Variants in SSH2 observed in about 807,000 individuals in gnomAD.
SSH2 encodes the protein slingshot protein phosphatase 2, also known as protein phosphatase Slingshot homolog 2.
In SSH2, 37 loss-of-function variants were observed where a neutral mutation model predicts 135.2. The observed-to-expected ratio is 0.27, with a 90% CI of 0.21 to 0.36. SSH2 has a LOEUF of 0.36. Ranked by LOEUF, SSH2 falls within the 10% of genes least tolerant of loss-of-function variation. The pLI is 1.00. For missense variants in SSH2, 1,408 were observed against 1,765.3 expected (o/e 0.80, Z 3.63); for synonymous variants, 628 against 646.2 (o/e 0.97, Z 0.43).
chr17:29,669,489 T>C (rs2037405935), intron 9 of SSH2, among the ~76,000 whole-genome samples: 3 of 152,290 alleles, frequency 2.0e-5, no homozygotes, highest in Admixed American at 6.5e-5. Context: ...GCTTTTCTAG[T>C]CAGTTTAGGG....
chr17:29,713,873 C>T (rs899350533), intron 3 of SSH2, among the ~76,000 whole-genome samples: 4 of 152,116 alleles, frequency 2.6e-5, no homozygotes, highest in African/African-American at 9.7e-5. Context: ...CCCTCACCCC[C>T]AAACAAAAAC....
At chr17:29,640,805 A>C (rs912571304) in intron 14 of SSH2, 2 of 151,498 alleles carry the variant, frequency 1.3e-5, no homozygotes, top group African/African-American at 4.9e-5. Context: ...TGTGCTTATC[A>C]TTCCCTTTTT....
chr17:29,674,927 G>A (rs1275253922), intron 8 of SSH2, among the ~76,000 whole-genome samples: 1 of 152,234 alleles, frequency 6.6e-6, no homozygotes, highest in Non-Finnish European at 1.5e-5. Flanking sequence ...GGTTGGACAA[G>A]CTTGCTTTAG....
chr17:29,636,816 A>C lies in SSH2; in HGVS notation c.1428-14T>G. The C allele has an allele frequency of 6.5e-7, 1 of 1,538,192 alleles. No homozygotes were observed. The highest frequency in any genetic ancestry group is 8.9e-7 in the Non-Finnish European group (1 of 1,122,604). ...TGCCGCTGTTTGCTGTGGAGGACAT[A>C]CACAGGAAGTATCTTAATCTGGTTT... On this transcript the variant is annotated splice_polypyrimidine_tract_variant and intron_variant, in intron 14 of 15. Coordinates refer to ENST00000540801, the MANE Select transcript of SSH2 (RefSeq NM_001282129.2).
intron 5 of SSH2, among the ~76,000 whole-genome samples, chr17:29,691,560 G>A (rs915000741): frequency 2.0e-5 from 3 of 151,392 alleles, no homozygotes; most frequent in South Asian, 2.1e-4. Context: ...GCACGATCTC[G>A]GCTCACTGAA....
intron 1 of SSH2, among the ~76,000 whole-genome samples, chr17:29,871,637 C>A (rs2065938000): frequency 6.6e-6 from 1 of 152,082 alleles, no homozygotes; most frequent in Non-Finnish European, 1.5e-5. Context: ...ACATGCCCTA[C>A]TTAATTAATA....
intron 4 of SSH2, among the ~76,000 whole-genome samples, chr17:29,696,180 C>T (rs1004776908): frequency 1.3e-4 from 14 of 108,740 alleles, no homozygotes; most frequent in East Asian, 3.2e-4. Flanking sequence ...TATATACACA[C>T]ACACACACAC....
chr17:29,680,509 G>A lies in SSH2; in HGVS notation c.480-2768C>T, dbSNP rs924588282. ...GAAGTTGCAGTGAGCTGAGATTTGCGCCATTGCACTCCAGCCTGGGAGACA... is the reference window on the plus strand; with the variant it reads ...GAAGTTGCAGTGAGCTGAGATTTGCACCATTGCACTCCAGCCTGGGAGACA... On this transcript the variant is annotated intron_variant, in intron 6 of 15. Transcript: ENST00000540801. Among the ~76,000 whole-genome samples, 8 of 119,232 alleles carry A rather than the reference G, an allele frequency of 6.7e-5. No individual in the cohort carries two copies. The Admixed American group carries it at 8.4e-4, about 12-fold the overall frequency. The allele number at this position is 119,232 out of a possible 152,430, so 78.2% of individuals were successfully genotyped here.
intron 2 of SSH2, among the ~76,000 whole-genome samples, chr17:29,843,188 A>T (rs1027644155): frequency 6.6e-6 from 1 of 152,192 alleles, no homozygotes; most frequent in African/African-American, 2.4e-5. Context: ...ATGTTCATCC[A>T]CTACTATCTT....
At position 29,717,495 on chromosome 17, in the gene SSH2, C is replaced by A. The variant is rs568029627; in HGVS notation, c.189-14433G>T. ...CTTTTGAAAAATCATAAAATTTGAACACACATGTCCATCTAGCAACAACTG... is the reference window on the plus strand; with the variant it reads ...CTTTTGAAAAATCATAAAATTTGAAAACACATGTCCATCTAGCAACAACTG... On this transcript the variant is annotated intron_variant, in intron 3 of 15. Coordinates refer to ENST00000540801, the MANE Select transcript of SSH2 (RefSeq NM_001282129.2). Among the ~76,000 whole-genome samples the A allele has an allele frequency of 7.2e-5, 11 of 152,314 alleles. No homozygotes were observed. In the East Asian group the frequency reaches 2.1e-3, roughly 29 times the overall value.
At chr17:29,827,304 T>C (rs2042763402) in intron 2 of SSH2, among the ~76,000 whole-genome samples, 1 of 152,214 alleles carries the variant, frequency 6.6e-6, no homozygotes, top group African/African-American at 2.4e-5. Context: ...GGCTTCTTAC[T>C]AGTAAAAGGC....
intron 3 of SSH2, among the ~76,000 whole-genome samples, chr17:29,741,800 G>GA: frequency 6.6e-6 from 1 of 152,008 alleles, no homozygotes. Context: ...ATTTTTGGTA[G>GA]AGACGGGGTT....
chr17:29,860,428 C>T, intron 1 of SSH2, among the ~76,000 whole-genome samples: 1 of 145,742 alleles, frequency 6.9e-6, no homozygotes, highest in East Asian at 2.1e-4. Flanking sequence ...CTCTTCATGG[C>T]CTTTGCCCAC....
chr17:29,698,387 A>C lies in SSH2; in HGVS notation c.293-2864T>G, dbSNP rs1318973430. Among the ~76,000 whole-genome samples the C allele has an allele frequency of 2.6e-5, 4 of 152,362 alleles. No individual in the cohort carries two copies. The South Asian group carries it at 6.2e-4, about 24-fold the overall frequency. ...TCTCAATAAAGCTGTTAAACAAAAAATAAAAGAACAAGTATGAGGAGACAA... is the reference window on the plus strand; with the variant it reads ...TCTCAATAAAGCTGTTAAACAAAAACTAAAAGAACAAGTATGAGGAGACAA... On this transcript the variant is annotated intron_variant, in intron 4 of 15. Coordinates refer to ENST00000540801, the MANE Select transcript of SSH2 (RefSeq NM_001282129.2).
At chr17:29,791,078 T>C (rs1158293567) in intron 3 of SSH2, among the ~76,000 whole-genome samples, 1 of 151,110 alleles carries the variant, frequency 6.6e-6, no homozygotes, top group African/African-American at 2.4e-5. Context: ...GGTTAAGATT[T>C]ATTATTATTA....
intron 1 of SSH2, among the ~76,000 whole-genome samples, chr17:29,888,330 A>G (rs955653670): frequency 2.6e-5 from 4 of 152,212 alleles, no homozygotes; most frequent in African/African-American, 7.2e-5. Context: ...GAAAAAGCCT[A>G]AAATCACGAA....
intron 5 of SSH2, among the ~76,000 whole-genome samples, chr17:29,687,052 G>A (rs554919814): frequency 6.6e-6 from 1 of 152,184 alleles, no homozygotes; most frequent in African/African-American, 2.4e-5. Context: ...ATTCCTTAGA[G>A]AAACAGAATT....
intron 11 of SSH2, among the ~76,000 whole-genome samples, chr17:29,663,722 A>ATTT (rs1450079571): frequency 6.6e-6 from 1 of 152,272 alleles, no homozygotes; most frequent in African/African-American, 2.4e-5. Context: ...GTATTTAAAA[A>ATTT]GTAAAAACTT....
chr17:29,696,708 C>T (rs892196419), intron 4 of SSH2, among the ~76,000 whole-genome samples: 5 of 147,458 alleles, frequency 3.4e-5, no homozygotes, highest in Admixed American at 3.4e-4. Context: ...TTTTTTGAGA[C>T]AAGAGTCTCG....
Sources: allele counts gnomAD v4.1 joint callset (sites outside exome capture counted in the v4.1 genomes callset), GRCh38; gene constraint gnomAD v4.1.1; transcripts MANE v1.5; gene names NCBI Gene and HGNC (gene_info 2026-07-23, HGNC 2026-07-21).